Variants in TENM2 observed in about 807,000 individuals in gnomAD.
TENM2 encodes the protein teneurin-2.
TENM2 carries 52 observed loss-of-function variants against 245.2 expected under a neutral mutation model. The observed-to-expected ratio is 0.21, with a 90% CI of 0.17 to 0.27. The LOEUF is 0.27. TENM2 is among the 10% of genes least tolerant of loss of function. TENM2 has a pLI of 1.00. For synonymous variants in TENM2, 1,363 were observed against 1,438.9 expected (o/e 0.95, Z 1.19); for missense variants, 3,046 against 3,666.8 (o/e 0.83, Z 4.37).
intron 2 of TENM2, among the ~76,000 whole-genome samples, chr5:167,817,409 G>GA (rs1193356840): frequency 6.6e-6 from 1 of 152,062 alleles, no homozygotes; most frequent in Non-Finnish European, 1.5e-5. Context: ...AAAATATATG[G>GA]AAAAAACTTC....
At chr5:167,375,956 C>A (rs1428798170) in intron 2 of TENM2, among the ~76,000 whole-genome samples, 1 of 152,086 alleles carries the variant, frequency 6.6e-6, no homozygotes, top group African/African-American at 2.4e-5. Flanking sequence ...GGAACAGGTG[C>A]TCTGGAGCTT....
chr5:167,929,024 G>GGAAA (rs1422007978), intron 3 of TENM2, among the ~76,000 whole-genome samples: 1 of 126,926 alleles, frequency 7.9e-6, no homozygotes, highest in Non-Finnish European at 1.7e-5. Flanking sequence ...GAAAGAGAAA[G>GGAAA]GAAAGAAAGA....
chr5:167,028,268 T>C, the TENM2 span, among the ~76,000 whole-genome samples: 8 of 152,150 alleles, frequency 5.3e-5, no homozygotes, highest in Non-Finnish European at 1.2e-4. Context: ...TTAAGTTGTT[T>C]GTAATTTTTT....
intron 2 of TENM2, among the ~76,000 whole-genome samples, chr5:167,480,442 T>G (rs1167223931): frequency 6.6e-6 from 1 of 152,204 alleles, no homozygotes; most frequent in East Asian, 1.9e-4. Flanking sequence ...TGCAGAATTA[T>G]GCATGTAAAT....
intron 2 of TENM2, among the ~76,000 whole-genome samples, chr5:167,539,746 T>C (rs1241489258): frequency 6.6e-6 from 1 of 152,222 alleles, no homozygotes; most frequent in African/African-American, 2.4e-5. Flanking sequence ...GACACATCCC[T>C]ATTATATCAA....
chr5:168,036,400 G>C (rs1408018220), intron 5 of TENM2, among the ~76,000 whole-genome samples: 1 of 152,032 alleles, frequency 6.6e-6, no homozygotes, highest in Non-Finnish European at 1.5e-5. Flanking sequence ...ACTTTGGGAG[G>C]CCGAGGCAGG....
At chr5:167,473,786 A>G (rs1241671809) in intron 2 of TENM2, among the ~76,000 whole-genome samples, 2 of 152,184 alleles carry the variant, frequency 1.3e-5, no homozygotes, top group Non-Finnish European at 2.9e-5. Context: ...AGAAAATTGG[A>G]TCAAAATTGT....
chr5:167,688,708 A>G (rs1199278659), intron 2 of TENM2, among the ~76,000 whole-genome samples: 1 of 152,240 alleles, frequency 6.6e-6, no homozygotes, highest in African/African-American at 2.4e-5. Flanking sequence ...CAGTTTTTAC[A>G]TAAAGCTTCC....
intron 2 of TENM2, among the ~76,000 whole-genome samples, chr5:167,643,979 AT>A (rs749895323): frequency 1.4e-4 from 22 of 152,154 alleles, no homozygotes; most frequent in African/African-American, 4.1e-4. Flanking sequence ...TGCTGATTTC[AT>A]TTTTTTCATA....
chr5:167,642,247 G>T (rs954588165), intron 2 of TENM2, among the ~76,000 whole-genome samples: 3 of 151,720 alleles, frequency 2.0e-5, no homozygotes, highest in African/African-American at 7.3e-5. Context: ...TCTCTTTAAG[G>T]CTTTTTCTCT....
the TENM2 span, among the ~76,000 whole-genome samples, chr5:167,081,811 A>G: frequency 6.6e-6 from 1 of 152,244 alleles, no homozygotes; most frequent in Non-Finnish European, 1.5e-5. Context: ...GAATGGCAGC[A>G]GAAAGATTCA....
At chr5:167,433,570 A>G (rs1357050497) in intron 2 of TENM2, among the ~76,000 whole-genome samples, 1 of 152,068 alleles carries the variant, frequency 6.6e-6, no homozygotes, top group Non-Finnish European at 1.5e-5. Flanking sequence ...AAGGATATAT[A>G]TTTCTAAATT....
At chr5:167,167,341 G>T in the TENM2 span, among the ~76,000 whole-genome samples, 5 of 152,218 alleles carry the variant, frequency 3.3e-5, no homozygotes, top group East Asian at 9.7e-4. Flanking sequence ...CACGCCCCAG[G>T]CCATGCTCTG....
At chr5:167,435,975 C>CTTT (rs71591181) in intron 2 of TENM2, among the ~76,000 whole-genome samples, 6 of 83,164 alleles carry the variant, frequency 7.2e-5, no homozygotes, top group East Asian at 2.4e-4. Flanking sequence ...CTTTTTTTTT[C>CTTT]TTTTTTTTTT....
intron 2 of TENM2, among the ~76,000 whole-genome samples, chr5:167,833,605 A>G (rs1365292527): frequency 1.3e-5 from 2 of 152,230 alleles, no homozygotes; most frequent in Non-Finnish European, 2.9e-5. Context: ...TCAGCGGCCT[A>G]GATTTAGCAG....
intron 2 of TENM2, among the ~76,000 whole-genome samples, chr5:167,621,506 A>G (rs928546930): frequency 2.6e-5 from 4 of 152,118 alleles, no homozygotes; most frequent in African/African-American, 4.8e-5. Context: ...AGGACCTTCT[A>G]TGCTGTGGTA....
At chr5:167,666,781 G>A (rs1223965708) in intron 2 of TENM2, among the ~76,000 whole-genome samples, 2 of 152,154 alleles carry the variant, frequency 1.3e-5, no homozygotes, top group South Asian at 2.1e-4. Flanking sequence ...CAGTCCAAAT[G>A]CTATTTGCAC....
chr5:167,998,814 C>A (rs981894125), intron 5 of TENM2, among the ~76,000 whole-genome samples: 1 of 152,110 alleles, frequency 6.6e-6, no homozygotes, highest in Non-Finnish European at 1.5e-5. Flanking sequence ...CTGGAAAGAA[C>A]GCGGGCCATC....
At chr5:167,387,026 G>C (rs1380608521) in intron 2 of TENM2, among the ~76,000 whole-genome samples, 1 of 151,740 alleles carries the variant, frequency 6.6e-6, no homozygotes, top group Non-Finnish European at 1.5e-5. Context: ...TTTAGAATTT[G>C]TTTCTAATTC....
Sources: allele counts gnomAD v4.1 joint callset (sites outside exome capture counted in the v4.1 genomes callset), GRCh38; gene constraint gnomAD v4.1.1; transcripts MANE v1.5; gene names NCBI Gene and HGNC (gene_info 2026-07-23, HGNC 2026-07-21).